PLPPR1: variants seen among roughly 807,000 people sequenced by gnomAD.
PLPPR1 encodes phospholipid phosphatase related 1, also known as phospholipid phosphatase-related protein type 1.
In PLPPR1, 10 loss-of-function variants were observed where a neutral mutation model predicts 33.1. The observed-to-expected ratio is 0.30, with a 90% CI of 0.19 to 0.51. The LOEUF is 0.51. PLPPR1 is among the 20% of genes least tolerant of loss of function. PLPPR1 has a pLI of 0.97. For missense variants in PLPPR1, 304 were observed against 408.1 expected (o/e 0.74, Z 2.20); for synonymous variants, 151 against 151.0 (o/e 1.00, Z 0.00).
intron 5 of PLPPR1, 24 bp downstream of exon 5, chr9:101,309,485 C>G (rs765068711): frequency 1.9e-6 from 3 of 1,607,570 alleles, no homozygotes; most frequent in South Asian, 2.2e-5. Context: ...TCTTGTCTCT[C>G]CTAAGTCCAG....
chr9:101,227,691 T>C (rs751006686), intron 2 of PLPPR1, among the ~76,000 whole-genome samples: 5 of 152,228 alleles, frequency 3.3e-5, no homozygotes, highest in Non-Finnish European at 7.3e-5. Context: ...CCCCCAAATC[T>C]GTTCATTTTT....
At chr9:101,217,047 A>G (rs1182833925) in intron 2 of PLPPR1, among the ~76,000 whole-genome samples, 1 of 152,236 alleles carries the variant, frequency 6.6e-6, no homozygotes, top group Non-Finnish European at 1.5e-5. Context: ...GTGATTCTCA[A>G]TTTTAAAGTA....
intron 2 of PLPPR1, among the ~76,000 whole-genome samples, chr9:101,235,007 T>C (rs573457193): frequency 1.3e-5 from 2 of 151,956 alleles, no homozygotes; most frequent in African/African-American, 2.4e-5. Context: ...TATCAAGTTT[T>C]TCTATAAACT....
At chr9:101,286,614 G>T (rs932915148) in intron 4 of PLPPR1, among the ~76,000 whole-genome samples, 2 of 152,124 alleles carry the variant, frequency 1.3e-5, no homozygotes, top group Admixed American at 6.6e-5. Flanking sequence ...TTCCCATCCA[G>T]TAATTTTGTT....
chr9:101,311,517 T>C (rs978325588), intron 5 of PLPPR1, among the ~76,000 whole-genome samples: 1 of 152,178 alleles, frequency 6.6e-6, no homozygotes, highest in Non-Finnish European at 1.5e-5. Context: ...ACAGATATAA[T>C]TGGAAAACAT....
chr9:101,078,779 T>C (rs765141472), intron 1 of PLPPR1, among the ~76,000 whole-genome samples: 1 of 152,130 alleles, frequency 6.6e-6, no homozygotes, highest in Non-Finnish European at 1.5e-5. Context: ...TCTATCTTCA[T>C]TCCCTCCTGT....
At position 101,133,306 on chromosome 9, in the gene PLPPR1, CCT is replaced by C. The variant is rs111852822; in HGVS notation, c.-45-52143_-45-52142del. Among the ~76,000 whole-genome samples, 1,237 of 152,008 alleles carry C rather than the reference CCT, an allele frequency of 8.1e-3. 16 individuals are homozygous for C. Among genetic ancestry groups the C allele is most frequent in the African/African-American group, 0.024 (980 of 41,444 alleles). ...GAAGAATATAGATCTAATTATTTCC[CCT>C]GAGTTTATGTACATTATGAAAGAAA... is the stretch of plus-strand genomic sequence containing the variant. On this transcript the variant is annotated intron_variant, in intron 1 of 7. Transcript: ENST00000374874.
intron 4 of PLPPR1, among the ~76,000 whole-genome samples, chr9:101,295,415 TACC>T (rs1359013260): frequency 6.6e-6 from 1 of 152,022 alleles, no homozygotes; most frequent in Non-Finnish European, 1.5e-5. Flanking sequence ...TCCATCAAGC[TACC>T]AATGACTTTC....
At position 101,127,545 on chromosome 9, in the gene PLPPR1, T is replaced by G. The variant is rs557381390; in HGVS notation, c.-45-57905T>G. ...ATGGTTTAGCATTAGCTCTGCTACT[T>G]GAGATAGTGGAGAGCAGGTTCTTTT... On this transcript the variant is annotated intron_variant, in intron 1 of 7. Transcript: ENST00000374874. Among the ~76,000 whole-genome samples the G allele has an allele frequency of 2.3e-3, 355 of 152,282 alleles. 6 individuals are homozygous for G. The highest frequency in any genetic ancestry group is 4.4e-4 in the Non-Finnish European group (30 of 68,026).
chr9:101,241,913 G>A (rs780276948), intron 2 of PLPPR1, among the ~76,000 whole-genome samples: 51 of 152,072 alleles, frequency 3.4e-4, no homozygotes, highest in Admixed American at 8.5e-4. Flanking sequence ...AGCCCCAAAT[G>A]TAATCATTTA....
In PLPPR1 at chr9:101,152,746, C is replaced by T. The variant is rs781503920; in HGVS notation, c.-45-32704C>T. Among the ~76,000 whole-genome samples, 102 of 152,178 alleles carry T rather than the reference C, an allele frequency of 6.7e-4. 1 individual carries two copies. Among genetic ancestry groups the T allele is most frequent in the Non-Finnish European group, 9.0e-4 (61 of 67,998 alleles). ...TTATTTCTGAGGGCTCTGTTCTGTT[C>T]CATTGGTCTGTATCTCTGTTTTGGT... On this transcript the variant is annotated intron_variant, in intron 1 of 7. Coordinates refer to ENST00000374874, the MANE Select transcript of PLPPR1 (RefSeq NM_207299.2).
chr9:101,294,838 C>G (rs1461314018), intron 4 of PLPPR1, among the ~76,000 whole-genome samples: 1 of 152,088 alleles, frequency 6.6e-6, no homozygotes, highest in Non-Finnish European at 1.5e-5. Flanking sequence ...AACCCACAGC[C>G]AATATCATAC....
chr9:101,309,661 G>A (rs1257793559), intron 5 of PLPPR1, among the ~76,000 whole-genome samples, 200 bp downstream of exon 5: 2 of 152,070 alleles, frequency 1.3e-5, no homozygotes, highest in African/African-American at 4.8e-5. Context: ...ATCTGCCAGA[G>A]GATATTAGTT....
intron 2 of PLPPR1, among the ~76,000 whole-genome samples, chr9:101,189,025 T>G (rs571914587): frequency 1.3e-5 from 2 of 152,212 alleles, no homozygotes; most frequent in South Asian, 4.1e-4. Context: ...TCTAGTACTG[T>G]TGATGAAGAG....
At chr9:101,030,098 G>A (rs1265356490) in intron 1 of PLPPR1, among the ~76,000 whole-genome samples, 1 of 152,048 alleles carries the variant, frequency 6.6e-6, no homozygotes, top group African/African-American at 2.4e-5. Context: ...CGACGGAAAA[G>A]GTCCTGAGAA....
At chr9:101,181,060 G>T (rs1021930374) in intron 1 of PLPPR1, among the ~76,000 whole-genome samples, 1 of 149,718 alleles carries the variant, frequency 6.7e-6, no homozygotes, top group African/African-American at 2.4e-5. Flanking sequence ...TCTAAACATG[G>T]TCAAAGAATC....
intron 2 of PLPPR1, among the ~76,000 whole-genome samples, chr9:101,204,084 G>A (rs917721312): frequency 2.2e-4 from 33 of 152,252 alleles, no homozygotes; most frequent in Admixed American, 4.6e-4. Flanking sequence ...AATTATACCA[G>A]TATAAAAGGA....
intron 1 of PLPPR1, among the ~76,000 whole-genome samples, chr9:101,095,312 C>T (rs1170497972): frequency 2.6e-5 from 4 of 152,130 alleles, no homozygotes; most frequent in African/African-American, 9.7e-5. Context: ...TTTCTGACAG[C>T]TGTGGGTAGA....
chr9:101,200,255 C>G (rs1826469198), intron 2 of PLPPR1, among the ~76,000 whole-genome samples: 1 of 152,124 alleles, frequency 6.6e-6, no homozygotes, highest in Non-Finnish European at 1.5e-5. Context: ...GAGAGGGTAC[C>G]AGCAAAATAG....
Sources: allele counts gnomAD v4.1 joint callset (sites outside exome capture counted in the v4.1 genomes callset), GRCh38; gene constraint gnomAD v4.1.1; transcripts MANE v1.5; gene names NCBI Gene and HGNC (gene_info 2026-07-23, HGNC 2026-07-21).